The following PNPT1 variants were observed in gnomAD, a reference collection of about 807,000 sequenced individuals.
PNPT1 encodes the protein polyribonucleotide nucleotidyltransferase 1, mitochondrial.
In PNPT1, 53 loss-of-function variants were observed where a neutral mutation model predicts 119.5. The observed-to-expected ratio is 0.44, with a 90% CI of 0.36 to 0.56. The LOEUF is 0.56. Ranked by LOEUF, PNPT1 falls within the 20% of genes least tolerant of loss-of-function variation. The pLI is 0.00. For synonymous variants in PNPT1, 357 were observed against 322.1 expected (o/e 1.11, Z -1.16); for missense variants, 948 against 938.5 (o/e 1.01, Z -0.13).
chr2:55,680,952 T>A, intron 5 of PNPT1, 34 bp from the exon 6 acceptor site: 1 of 1,568,920 alleles, frequency 6.4e-7, no homozygotes, highest in Non-Finnish European at 8.8e-7. Context: ...TTTGGAAGGG[T>A]TATCATTTAG....
chr2:55,671,446 T>C (rs1696911945), intron 10 of PNPT1, 70 bp from the exon 11 acceptor site: 2 of 933,188 alleles, frequency 2.1e-6, no homozygotes. Context: ...TTCTAATTAT[T>C]ATACAATGAA....
chr2:55,659,709 C>G (rs1480119232), intron 15 of PNPT1, among the ~76,000 whole-genome samples: 1 of 152,062 alleles, frequency 6.6e-6, no homozygotes, highest in African/African-American at 2.4e-5. Flanking sequence ...TCTCTCTCTA[C>G]TTATCATTCT....
intron 3 of PNPT1, 88 bp from the exon 4 acceptor site, chr2:55,685,136 A>G (rs757969323): frequency 1.1e-5 from 10 of 943,938 alleles, no homozygotes; most frequent in Non-Finnish European, 1.5e-5. Flanking sequence ...GAGGTTGCTA[A>G]CAACACAGTC....
At chr2:55,637,642 A>T (rs758748976) in intron 26 of PNPT1, 43 bp from the exon 27 acceptor site, 6 of 1,461,564 alleles carry the variant, frequency 4.1e-6, no homozygotes, top group Middle Eastern at 1.7e-4. Context: ...GTGCATAATT[A>T]TGTAGTGTCC....
Position 55,636,219 on chromosome 2 carries a change from T to G in PNPT1, c.*18A>C. On this transcript the variant is annotated 3_prime_UTR_variant, in exon 28 of 28. Transcript: ENST00000447944. ...CCTAGACAAAATAGAATTCTAGAATTCTCTTTAAAAAAAAAAATCACTGAG... is the reference window on the plus strand; with the variant it reads ...CCTAGACAAAATAGAATTCTAGAATGCTCTTTAAAAAAAAAAATCACTGAG... 1 of 1,549,434 alleles carries G rather than the reference T, an allele frequency of 6.5e-7. No individual in the cohort carries two copies. The highest frequency in any genetic ancestry group is 8.8e-7 in the Non-Finnish European group (1 of 1,137,616).
At chr2:55,636,754 G>C (rs1169191276) in intron 27 of PNPT1, among the ~76,000 whole-genome samples, 1 of 152,122 alleles carries the variant, frequency 6.6e-6, no homozygotes, top group African/African-American at 2.4e-5. Flanking sequence ...ATTATGCTTA[G>C]GTCACTTGGA....
chr2:55,688,671 G>A (rs1028244174), intron 1 of PNPT1, among the ~76,000 whole-genome samples: 2 of 152,090 alleles, frequency 1.3e-5, no homozygotes, highest in African/African-American at 4.8e-5. Flanking sequence ...GTTACAGTGA[G>A]CCGAGATTGT....
chr2:55,637,048 G>C (rs1220998451), intron 27 of PNPT1, among the ~76,000 whole-genome samples: 1 of 152,216 alleles, frequency 6.6e-6, no homozygotes, highest in East Asian at 1.9e-4. Context: ...GAAAGACAAT[G>C]TGGTGGAGCC....
At chr2:55,691,878 A>ATATATATATTTTTTTTTTT (rs1326804958) in intron 1 of PNPT1, among the ~76,000 whole-genome samples, 28 of 32,988 alleles carry the variant, frequency 8.5e-4, no homozygotes, top group Non-Finnish European at 1.5e-3. Context: ...ATATATATAT[A>ATATATATATTTTTTTTTTT]TTTTTTTTTT....
chr2:55,638,040 G>A (rs184315316), intron 26 of PNPT1, among the ~76,000 whole-genome samples: 3 of 151,118 alleles, frequency 2.0e-5, no homozygotes, highest in East Asian at 1.9e-4. Flanking sequence ...GGTGGCTCAC[G>A]GCTGTAATCC....
At chr2:55,657,018 A>G (rs1354458736) in intron 15 of PNPT1, among the ~76,000 whole-genome samples, 1 of 152,218 alleles carries the variant, frequency 6.6e-6, no homozygotes, top group East Asian at 1.9e-4. Flanking sequence ...TGACAATAGG[A>G]AGACTTCCCA....
chr2:55,692,222 A>C (rs1269594863), intron 1 of PNPT1, among the ~76,000 whole-genome samples: 2 of 152,052 alleles, frequency 1.3e-5, no homozygotes, highest in Non-Finnish European at 2.9e-5. Context: ...GTAAACACAT[A>C]CACACAGTGT....
chr2:55,661,091 C>CTTTTTTTTTTTTTTTTTTTTTTTTTT (rs1171064705), intron 14 of PNPT1, among the ~76,000 whole-genome samples: 2 of 71,598 alleles, frequency 2.8e-5, no homozygotes, highest in Non-Finnish European at 5.0e-5. Context: ...AATAGAGATT[C>CTTTTTTTTTTTTTTTTTTTTTTTTTT]TTTTTTTTTT....
chr2:55,649,972 C>T (rs1467880551), intron 18 of PNPT1, among the ~76,000 whole-genome samples: 1 of 152,192 alleles, frequency 6.6e-6, no homozygotes, highest in Non-Finnish European at 1.5e-5. Context: ...AGTCCAAACT[C>T]CTTAGCGTAA....
In PNPT1 at chr2:55,669,579, C is replaced by A. The variant is rs373300701; in HGVS notation, c.977-1621G>T. On this transcript the variant is annotated intron_variant, in intron 11 of 27. Coordinates refer to ENST00000447944, the MANE Select transcript of PNPT1 (RefSeq NM_033109.5). The stretch of plus-strand genomic sequence containing the variant: ...AAAATGTTTAAAATATCCTATCAAC[C>A]CAGAGGGTCGTGAAGATATTCTACT... 2.0e-4 allele frequency among the ~76,000 whole-genome samples: 30 copies of A among 152,112 alleles called. No homozygotes were observed. In the East Asian group the frequency reaches 4.6e-3, roughly 24 times the overall value.
chr2:55,681,564 G>A (rs1167516389), intron 5 of PNPT1, among the ~76,000 whole-genome samples: 1 of 152,074 alleles, frequency 6.6e-6, no homozygotes, highest in Non-Finnish European at 1.5e-5. Flanking sequence ...TATTTTCTAG[G>A]CCAGGCATGG....
intron 26 of PNPT1, among the ~76,000 whole-genome samples, chr2:55,639,037 A>G (rs1695761181): frequency 6.6e-6 from 1 of 152,112 alleles, no homozygotes; most frequent in South Asian, 2.1e-4. Context: ...TGGCCTCCCA[A>G]AGTGCTGGGC....
chr2:55,661,907 A>G (rs779103534), intron 14 of PNPT1, 49 bp downstream of exon 14: 8 of 1,442,802 alleles, frequency 5.5e-6, no homozygotes, highest in Middle Eastern at 2.0e-4. Flanking sequence ...CTTTAATTAT[A>G]TAATAGAACA....
In PNPT1 at chr2:55,693,809, C is replaced by G. The variant is rs772663841; in HGVS notation, c.15G>C (p.Arg5Ser). The G allele has an allele frequency of 1.2e-6, 2 of 1,613,740 alleles. No individual in the cohort carries two copies. Among genetic ancestry groups the G allele is most frequent in the East Asian group, 2.2e-5 (1 of 44,880 alleles). ...GGAGCCGGAGGCACGAGCAGCAGTA[C>G]CTGCAGGCCGCCATGACACCCGGCA... is the stretch of plus-strand genomic sequence containing the variant. MAAC[R>S]YCCSCLRLRP... The change falls in exon 1 of 28, where the codon AGG (arginine) becomes AGC (serine). Residue 5 changes from arginine (R) to serine (S), a missense_variant. Arg to Ser is a moderately radical substitution (Grantham distance 110, BLOSUM62 -1). Transcript: ENST00000447944.
Sources: gnomAD v4.1 joint callset for allele counts (sites outside exome capture counted in the v4.1 genomes callset) on GRCh38, gnomAD v4.1.1 for gene constraint, MANE v1.5 for transcripts, NCBI Gene and HGNC (gene_info 2026-07-23, HGNC 2026-07-21) for gene names.